The following RBFOX1 variants were observed in gnomAD, a reference collection of about 807,000 sequenced individuals.
RBFOX1 encodes RNA binding protein fox-1 homolog 1.
In RBFOX1, 8 loss-of-function variants were observed where a neutral mutation model predicts 57.7. The ratio of observed to expected loss-of-function variants is 0.14; its 90% CI spans 0.08 to 0.25. The LOEUF (loss-of-function observed/expected upper bound fraction) is 0.25, where lower values mean the gene tolerates loss of function less well. Ranked by LOEUF, RBFOX1 falls within the 10% of genes least tolerant of loss-of-function variation. The pLI is 1.00. For missense variants in RBFOX1, 611 were observed against 548.5 expected (o/e 1.11, Z -1.14); for synonymous variants, 326 against 222.4 (o/e 1.47, Z -4.15).
At chr16:5,751,685 A>G (rs1390037136) in intron 3 of RBFOX1, among the ~76,000 whole-genome samples, 1 of 152,206 alleles carries the variant, frequency 6.6e-6, no homozygotes, top group African/African-American at 2.4e-5. Context: ...GTCCAGGAGA[A>G]TGGAAAAATA....
intron 3 of RBFOX1, among the ~76,000 whole-genome samples, chr16:5,850,276 T>C (rs4786784): frequency 0.31 from 47,208 of 151,672 alleles, 7,574 homozygotes; most frequent in Admixed American, 0.34. Flanking sequence ...GAGTAATGAG[T>C]GGAGTGAGAG....
intron 4 of RBFOX1, among the ~76,000 whole-genome samples, chr16:7,347,279 G>A (rs950246295): frequency 6.6e-6 from 1 of 152,146 alleles, no homozygotes; most frequent in Non-Finnish European, 1.5e-5. Flanking sequence ...GAGGCTTATT[G>A]GGCTTACAGT....
chr16:5,873,072 C>T (rs1353616128), intron 4 of RBFOX1, among the ~76,000 whole-genome samples: 3 of 152,120 alleles, frequency 2.0e-5, no homozygotes, highest in Non-Finnish European at 4.4e-5. Flanking sequence ...ATAGCTTGAA[C>T]CCAGGAGGCA....
At chr16:6,208,690 T>C (rs185275700) in intron 1 of RBFOX1, among the ~76,000 whole-genome samples, 1 of 152,350 alleles carries the variant, frequency 6.6e-6, no homozygotes, top group Non-Finnish European at 1.5e-5. Flanking sequence ...GAATGGCCAC[T>C]GCTTTAAAGA....
chr16:7,009,322 G>C (rs182244185), intron 3 of RBFOX1, among the ~76,000 whole-genome samples: 2 of 129,958 alleles, frequency 1.5e-5, no homozygotes, highest in Admixed American at 8.2e-5. Context: ...CTCTTTCTTT[G>C]TACATGTATA....
chr16:6,260,571 A>T (rs1194817147), intron 1 of RBFOX1, among the ~76,000 whole-genome samples: 1 of 152,158 alleles, frequency 6.6e-6, no homozygotes, highest in Non-Finnish European at 1.5e-5. Context: ...TAAGATATAT[A>T]TAAAGAAGGC....
intron 4 of RBFOX1, among the ~76,000 whole-genome samples, chr16:7,439,858 G>T (rs1005497619): frequency 1.3e-5 from 2 of 151,974 alleles, no homozygotes; most frequent in African/African-American, 2.4e-5. Context: ...AGAAGTGCCA[G>T]TGTGTTCAAA....
chr16:7,407,980 G>A (rs1403144308), intron 4 of RBFOX1, among the ~76,000 whole-genome samples: 3 of 152,118 alleles, frequency 2.0e-5, no homozygotes, highest in African/African-American at 7.2e-5. Context: ...ATGAATGTAT[G>A]GCCCACAGTG....
intron 4 of RBFOX1, among the ~76,000 whole-genome samples, chr16:7,372,598 G>C (rs1213058379): frequency 6.6e-6 from 1 of 152,170 alleles, no homozygotes; most frequent in Non-Finnish European, 1.5e-5. Flanking sequence ...AGGAGTTTCA[G>C]AATCAATTAG....
At chr16:6,837,559 G>A (rs919084684) in intron 3 of RBFOX1, among the ~76,000 whole-genome samples, 10 of 152,172 alleles carry the variant, frequency 6.6e-5, no homozygotes, top group African/African-American at 2.4e-4. Flanking sequence ...TAGCATGTGA[G>A]TACTGGGCTC....
intron 1 of RBFOX1, among the ~76,000 whole-genome samples, chr16:5,459,269 C>G (rs75837754): frequency 0.011 from 1,620 of 152,324 alleles, 26 homozygotes; most frequent in African/African-American, 0.036. Flanking sequence ...CTCAGATCAG[C>G]TGCTCCTCAT....
At chr16:6,492,673 C>G (rs2095660075) in intron 2 of RBFOX1, among the ~76,000 whole-genome samples, 1 of 152,196 alleles carries the variant, frequency 6.6e-6, no homozygotes, top group Non-Finnish European at 1.5e-5. Flanking sequence ...GAAGATGCAG[C>G]TTGGTTCACT....
intron 3 of RBFOX1, among the ~76,000 whole-genome samples, chr16:5,779,366 C>T (rs1050419202): frequency 5.3e-5 from 8 of 152,142 alleles, no homozygotes; most frequent in Non-Finnish European, 7.3e-5. Context: ...GAACCTAGCA[C>T]GAAAGCATTT....
chr16:7,114,610 A>G (rs1305576916), intron 4 of RBFOX1, among the ~76,000 whole-genome samples: 1 of 152,162 alleles, frequency 6.6e-6, no homozygotes, highest in African/African-American at 2.4e-5. Flanking sequence ...CTCTTCTGTC[A>G]TTTGAATGTT....
chr16:5,627,923 G>T (rs1336571213), intron 3 of RBFOX1, among the ~76,000 whole-genome samples: 3 of 152,210 alleles, frequency 2.0e-5, no homozygotes, highest in African/African-American at 7.2e-5. Flanking sequence ...TGGATATGGA[G>T]AAATGATTGT....
chr16:7,262,813 A>G (rs1461513123), intron 4 of RBFOX1, among the ~76,000 whole-genome samples: 1 of 152,268 alleles, frequency 6.6e-6, no homozygotes, highest in Non-Finnish European at 1.5e-5. Context: ...TTTCTAAGTT[A>G]GTGCTGAAAT....
At chr16:6,931,295 G>GTCTATCTA (rs1161231181) in intron 3 of RBFOX1, among the ~76,000 whole-genome samples, 2,651 of 136,178 alleles carry the variant, frequency 0.019, 40 homozygotes, top group Middle Eastern at 0.027. Context: ...CTGTCTGTCT[G>GTCTATCTA]TCTATCTATC....
intron 1 of RBFOX1, among the ~76,000 whole-genome samples, chr16:5,422,614 G>C (rs2067374810): frequency 8.2e-6 from 1 of 122,384 alleles, no homozygotes; most frequent in Non-Finnish European, 1.7e-5. Flanking sequence ...AGAGTGAGAG[G>C]GTGGAGGGAC....
intron 3 of RBFOX1, among the ~76,000 whole-genome samples, chr16:6,764,481 C>A (rs991142764): frequency 2.6e-5 from 4 of 152,190 alleles, no homozygotes; most frequent in African/African-American, 4.8e-5. Flanking sequence ...CTGTCTCTGT[C>A]CATTCATTCA....
Sources: gnomAD v4.1 joint callset for allele counts (sites outside exome capture counted in the v4.1 genomes callset) on GRCh38, gnomAD v4.1.1 for gene constraint, MANE v1.5 for transcripts, NCBI Gene and HGNC (gene_info 2026-07-23, HGNC 2026-07-21) for gene names.